The following MBNL2 variants were observed in gnomAD, a reference collection of about 807,000 sequenced individuals.
The protein encoded by MBNL2 is muscleblind like splicing regulator 2, also known as muscleblind-like protein 2.
In MBNL2, 17 loss-of-function variants were observed where a neutral mutation model predicts 41.9. The ratio of observed to expected loss-of-function variants is 0.41; its 90% CI spans 0.28 to 0.61. The LOEUF is 0.61. MBNL2 is among the 20% of genes least tolerant of loss of function. The pLI is 0.35. For missense variants in MBNL2, 336 were observed against 505.6 expected, an observed-to-expected ratio of 0.66 and a Z score of 3.22; for synonymous variants, 195 against 182.9, an observed-to-expected ratio of 1.07 and a Z score of -0.53.
intron 1 of MBNL2, among the ~76,000 whole-genome samples, chr13:97,269,064 C>T (rs1206129813): frequency 2.0e-5 from 3 of 152,142 alleles, no homozygotes; most frequent in African/African-American, 7.2e-5. Context: ...CAGGAAGTTT[C>T]TAAATGCCTG....
intron 1 of MBNL2, among the ~76,000 whole-genome samples, chr13:97,260,971 G>A (rs1345953966): frequency 6.6e-6 from 1 of 151,758 alleles, no homozygotes; most frequent in Non-Finnish European, 1.5e-5. Flanking sequence ...TGTTTGTTCT[G>A]AGCTCTTCGA....
chr13:97,309,568 A>G (rs989771524), intron 2 of MBNL2, among the ~76,000 whole-genome samples: 45 of 152,202 alleles, frequency 3.0e-4, no homozygotes, highest in Admixed American at 3.9e-4. Context: ...AACCCAGCAC[A>G]CACCTTGATC....
intron 2 of MBNL2, among the ~76,000 whole-genome samples, chr13:97,313,753 C>T (rs2058804161): frequency 6.6e-6 from 1 of 152,146 alleles, no homozygotes; most frequent in Non-Finnish European, 1.5e-5. Context: ...CACATTCTTT[C>T]AAGGTCTGAG....
intron 1 of MBNL2, among the ~76,000 whole-genome samples, chr13:97,259,851 G>C (rs987174615): frequency 6.6e-5 from 10 of 152,120 alleles, no homozygotes; most frequent in Non-Finnish European, 1.3e-4. Flanking sequence ...CCATGAAGGC[G>C]GGCACAGACT....
At chr13:97,319,262 A>G (rs1484858142) in intron 2 of MBNL2, among the ~76,000 whole-genome samples, 1 of 152,166 alleles carries the variant, frequency 6.6e-6, no homozygotes, top group Non-Finnish European at 1.5e-5. Context: ...TGTCTAGTCA[A>G]AGCTAGGGCC....
the MBNL2 span, among the ~76,000 whole-genome samples, chr13:97,154,142 A>T: frequency 6.6e-6 from 1 of 152,208 alleles, no homozygotes; most frequent in Non-Finnish European, 1.5e-5. Flanking sequence ...TGGTAAGTGA[A>T]ATAAACAGAA....
chr13:97,377,717 T>C (rs1006087245), intron 8 of MBNL2, among the ~76,000 whole-genome samples: 5 of 152,250 alleles, frequency 3.3e-5, no homozygotes, highest in African/African-American at 1.2e-4. Context: ...CATATTCTTT[T>C]CTTTGCTTTT....
intron 8 of MBNL2, among the ~76,000 whole-genome samples, chr13:97,389,156 GT>G (rs1319515645): frequency 6.6e-6 from 1 of 152,164 alleles, no homozygotes; most frequent in Admixed American, 6.5e-5. Flanking sequence ...TTATGCTTTA[GT>G]TAGCTCCAAG....
At chr13:97,172,637 C>T in the MBNL2 span, 3 of 152,100 alleles carry the variant, frequency 2.0e-5, no homozygotes, top group Non-Finnish European at 4.4e-5. Context: ...TCAAATTGGT[C>T]GTAGCATAGA....
chr13:97,328,999 T>C (rs764124354), intron 2 of MBNL2, among the ~76,000 whole-genome samples: 1 of 152,212 alleles, frequency 6.6e-6, no homozygotes, highest in African/African-American at 2.4e-5. Context: ...ATTTATTCTA[T>C]CCCATGCCAT....
At chr13:97,306,559 T>TA (rs541995156) in intron 2 of MBNL2, among the ~76,000 whole-genome samples, 393 of 152,338 alleles carry the variant, frequency 2.6e-3, no homozygotes, top group African/African-American at 9.2e-3. Flanking sequence ...CAATGATTTG[T>TA]AGACATGATG....
chr13:97,306,180 A>C lies in MBNL2; in HGVS notation c.175-28096A>C, dbSNP rs978538920. 1.8e-4 allele frequency among the ~76,000 whole-genome samples: 27 copies of C among 152,324 alleles called. 1 individual carries two copies. In the South Asian group the frequency reaches 5.6e-3, roughly 32 times the overall value. ...TCCCTAACCAGAAGAACCTAACTTA[A>C]TAGGAGATTTCAGATGACAGAATTG... On this transcript the variant is annotated intron_variant, in intron 2 of 8. Transcript: ENST00000679496.
chr13:97,157,590 A>C, the MBNL2 span, among the ~76,000 whole-genome samples: 3 of 148,828 alleles, frequency 2.0e-5, no homozygotes, highest in African/African-American at 7.6e-5. Flanking sequence ...ATTTATTGAG[A>C]GTTTTTAGCA....
intron 2 of MBNL2, among the ~76,000 whole-genome samples, chr13:97,286,697 AT>A (rs2152958161): frequency 6.6e-6 from 1 of 152,292 alleles, no homozygotes; most frequent in African/African-American, 2.4e-5. Flanking sequence ...CTCCAGCCAC[AT>A]TGGCCTGTTT....
chr13:97,155,809 G>T, the MBNL2 span, among the ~76,000 whole-genome samples: 1 of 151,462 alleles, frequency 6.6e-6, no homozygotes, highest in South Asian at 2.1e-4. Context: ...TTGGACATTT[G>T]GGTTGGTTCC....
intron 2 of MBNL2, among the ~76,000 whole-genome samples, chr13:97,313,138 G>T (rs530426857): frequency 6.6e-6 from 1 of 152,284 alleles, no homozygotes; most frequent in East Asian, 1.9e-4. Context: ...TAGACCTCAG[G>T]ACCATGAATT....
At chr13:97,198,199 G>A in the MBNL2 span, among the ~76,000 whole-genome samples, 1 of 152,160 alleles carries the variant, frequency 6.6e-6, no homozygotes, top group Non-Finnish European at 1.5e-5. Flanking sequence ...CATTCAATCA[G>A]TTGAAGCCCT....
At chr13:97,317,807 T>A (rs563285208) in intron 2 of MBNL2, among the ~76,000 whole-genome samples, 19 of 152,362 alleles carry the variant, frequency 1.2e-4, no homozygotes, top group African/African-American at 4.6e-4. Flanking sequence ...TTGAAAACTG[T>A]ATGATTTATG....
chr13:97,142,529 A>G, the MBNL2 span, among the ~76,000 whole-genome samples: 5 of 152,226 alleles, frequency 3.3e-5, no homozygotes, highest in Non-Finnish European at 2.9e-5. Flanking sequence ...CTCCACACAT[A>G]GTGTGGGTGT....
Sources: gnomAD v4.1 joint callset for allele counts (sites outside exome capture counted in the v4.1 genomes callset) on GRCh38, gnomAD v4.1.1 for gene constraint, MANE v1.5 for transcripts, NCBI Gene and HGNC (gene_info 2026-07-23, HGNC 2026-07-21) for gene names.